RAP1GDS1: variants seen among roughly 807,000 people sequenced by gnomAD.
The protein encoded by RAP1GDS1 is RAP1, GTP-GDP dissociation stimulator 1.
RAP1GDS1 carries 35 observed loss-of-function variants against 71.1 expected under a neutral mutation model. The ratio of observed to expected loss-of-function variants is 0.49; its 90% CI spans 0.38 to 0.65. The LOEUF is 0.65. RAP1GDS1 is among the 30% of genes least tolerant of loss of function. RAP1GDS1 has a pLI of 0.00. For synonymous variants in RAP1GDS1, 229 were observed against 243.1 expected, an observed-to-expected ratio of 0.94 and a Z score of 0.54; for missense variants, 663 against 706.1, an observed-to-expected ratio of 0.94 and a Z score of 0.69.
At chr4:98,441,893 T>C in intron 14 of RAP1GDS1, 97 bp from the exon 15 acceptor site, 1 of 1,301,970 alleles carries the variant, frequency 7.7e-7, no homozygotes. Flanking sequence ...TCTAGTTTTA[T>C]AAGCTTAGTC....
chr4:98,414,648 G>A (rs1747637847), intron 7 of RAP1GDS1, among the ~76,000 whole-genome samples: 1 of 149,766 alleles, frequency 6.7e-6, no homozygotes, highest in Non-Finnish European at 1.5e-5. Flanking sequence ...GTCAGGTAGT[G>A]TGATGCCTCC....
intron 4 of RAP1GDS1, among the ~76,000 whole-genome samples, chr4:98,357,535 T>G (rs1007472493): frequency 6.6e-6 from 1 of 151,850 alleles, no homozygotes; most frequent in African/African-American, 2.4e-5. Flanking sequence ...TATCATAAGC[T>G]CTAAACACAA....
chr4:98,299,361 T>C (rs920123601), intron 2 of RAP1GDS1, among the ~76,000 whole-genome samples: 4 of 152,220 alleles, frequency 2.6e-5, no homozygotes, highest in Non-Finnish European at 5.9e-5. Context: ...AGTGCTGCAA[T>C]AAACATACGT....
chr4:98,269,371 C>T (rs1025615156), intron 1 of RAP1GDS1, among the ~76,000 whole-genome samples: 4 of 151,984 alleles, frequency 2.6e-5, no homozygotes, highest in African/African-American at 9.6e-5. Flanking sequence ...ATAAGATGCG[C>T]GCAAGAAAAT....
chr4:98,427,044 G>A (rs1040364195), intron 12 of RAP1GDS1, among the ~76,000 whole-genome samples: 2 of 152,148 alleles, frequency 1.3e-5, no homozygotes, highest in Non-Finnish European at 2.9e-5. Context: ...TTTCATACCA[G>A]GGATGCAGGG....
chr4:98,333,248 C>T (rs887173716), intron 2 of RAP1GDS1, among the ~76,000 whole-genome samples: 3 of 151,902 alleles, frequency 2.0e-5, no homozygotes, highest in African/African-American at 7.2e-5. Context: ...ATAGCGAATA[C>T]ATTTTTATGC....
intron 2 of RAP1GDS1, among the ~76,000 whole-genome samples, chr4:98,317,455 C>G (rs918324069): frequency 1.3e-5 from 2 of 152,128 alleles, no homozygotes; most frequent in Admixed American, 6.5e-5. Context: ...GGGCTAAGGT[C>G]ATATTGCCAG....
chr4:98,349,311 G>C (rs1035462976), intron 3 of RAP1GDS1, among the ~76,000 whole-genome samples: 1 of 152,152 alleles, frequency 6.6e-6, no homozygotes, highest in African/African-American at 2.4e-5. Flanking sequence ...CCTCTGTTCT[G>C]TTCCATTGGT....
chr4:98,393,245 G>A (rs114691887), intron 6 of RAP1GDS1, among the ~76,000 whole-genome samples: 13 of 152,154 alleles, frequency 8.5e-5, no homozygotes, highest in Non-Finnish European at 1.6e-4. Flanking sequence ...CTTTTATTTT[G>A]TCTTCCAAGC....
At chr4:98,425,033 G>A (rs1371523541) in intron 12 of RAP1GDS1, among the ~76,000 whole-genome samples, 1 of 152,154 alleles carries the variant, frequency 6.6e-6, no homozygotes, top group African/African-American at 2.4e-5. Context: ...CTTAACAGTG[G>A]ATTTCTCAGC....
chr4:98,426,739 C>T (rs1204021438), intron 12 of RAP1GDS1, among the ~76,000 whole-genome samples: 2 of 151,634 alleles, frequency 1.3e-5, no homozygotes, highest in South Asian at 2.1e-4. Context: ...AAATTACCAA[C>T]AAAAAAAAGT....
chr4:98,375,195 T>C (rs923153299), intron 4 of RAP1GDS1, among the ~76,000 whole-genome samples: 2 of 152,126 alleles, frequency 1.3e-5, no homozygotes, highest in Non-Finnish European at 2.9e-5. Flanking sequence ...TAGCTTCTGG[T>C]GGTCCCAGGT....
chr4:98,317,824 A>T (rs538341496), intron 2 of RAP1GDS1, among the ~76,000 whole-genome samples: 1,823 of 147,596 alleles, frequency 0.012, 19 homozygotes, highest in Middle Eastern at 0.021. Flanking sequence ...ATATATATAT[A>T]TATTTTTTTT....
intron 12 of RAP1GDS1, among the ~76,000 whole-genome samples, chr4:98,432,088 C>G (rs145400387): frequency 2.0e-5 from 3 of 152,108 alleles, no homozygotes; most frequent in Non-Finnish European, 4.4e-5. Flanking sequence ...CCCGCTCCCC[C>G]CATCCCACGA....
intron 2 of RAP1GDS1, among the ~76,000 whole-genome samples, chr4:98,307,909 G>A (rs1729567124): frequency 6.6e-6 from 1 of 152,038 alleles, no homozygotes; most frequent in South Asian, 2.1e-4. Flanking sequence ...CCATATTTTA[G>A]TTTCCGATAC....
chr4:98,436,132 A>G (rs1751108268), intron 13 of RAP1GDS1, among the ~76,000 whole-genome samples: 2 of 151,694 alleles, frequency 1.3e-5, no homozygotes, highest in South Asian at 4.2e-4. Flanking sequence ...GTTAGGGTTC[A>G]TTTTCTTTGT....
Position 98,404,604 on chromosome 4 carries a change from T to C in RAP1GDS1, c.763+2T>C. 1 of 1,597,838 alleles carries C rather than the reference T, an allele frequency of 6.3e-7. No individual in the cohort carries two copies. Among genetic ancestry groups the C allele is most frequent in the Non-Finnish European group, 8.5e-7 (1 of 1,174,676 alleles). On this transcript the variant is annotated splice_donor_variant, in intron 7 of 14. Coordinates refer to ENST00000408927, the MANE Select transcript of RAP1GDS1 (RefSeq NM_001100427.2). LOFTEE classifies it high-confidence loss of function. ...TTCTTGCTCCATTGGCAGAAAATGG[T>C]GAGAAACTTAAATGCACCTTTGGAT...
chr4:98,409,783 A>G, intron 7 of RAP1GDS1: 3 of 428,752 alleles, frequency 7.0e-6, no homozygotes, highest in South Asian at 1.9e-5. Context: ...TCAAGATAAA[A>G]GGCTTCTAGA....
In RAP1GDS1 at chr4:98,372,336, T is replaced by C. The variant is rs551200921; in HGVS notation, c.362-6681T>C. The stretch of plus-strand genomic sequence containing the variant: ...CGCCACCATGCCCAGCTAATTTTTG[T>C]ATGTTTTTTAAATAGAGATGGGGTT... On this transcript the variant is annotated intron_variant, in intron 4 of 14. Transcript: ENST00000408927. Among the ~76,000 whole-genome samples the C allele has an allele frequency of 1.1e-3, 160 of 152,264 alleles. 3 individuals carry two copies. The highest frequency in any genetic ancestry group is 3.7e-3 in the African/African-American group (152 of 41,560).
Sources: allele counts gnomAD v4.1 joint callset (sites outside exome capture counted in the v4.1 genomes callset), GRCh38; gene constraint gnomAD v4.1.1; transcripts MANE v1.5; gene names NCBI Gene and HGNC (gene_info 2026-07-23, HGNC 2026-07-21).